Variants in ZNF606 observed in about 807,000 individuals in gnomAD.
ZNF606 encodes the protein zinc finger protein 328.
A neutral mutation model predicts 74.9 loss-of-function variants in ZNF606; 37 were observed. The ratio of observed to expected loss-of-function variants is 0.49; its 90% CI spans 0.38 to 0.65. The LOEUF (loss-of-function observed/expected upper bound fraction) is 0.65, where lower values mean the gene tolerates loss of function less well. Among genes scored for constraint, ZNF606 ranks in the 30% least tolerant of loss-of-function variants. ZNF606 has a pLI of 0.00. For synonymous variants in ZNF606, 328 were observed against 312.4 expected, an observed-to-expected ratio of 1.05 and a Z score of -0.53; for missense variants, 852 against 952.9, an observed-to-expected ratio of 0.89 and a Z score of 1.39.
chr19:57,979,844 G>T lies in ZNF606; in HGVS notation c.836C>A (p.Pro279His). 6.2e-7 allele frequency: 1 copy of T among 1,613,562 alleles called. No individual in the cohort carries two copies. Residue 279 changes from proline to histidine, a missense_variant, in exon 7 of 7, where the codon CCT (proline) becomes CAT (histidine). By Grantham distance (77) the Pro-to-His change is moderately conservative. Around this residue, in one of 3 missense-constraint regions of ZNF606, gnomAD observed 545 missense variants for 542.5 expected, o/e 1.00. Coordinates refer to ENST00000551380, the MANE Select transcript of ZNF606 (RefSeq NM_001348022.3). Reference protein sequence around the residue: ...TVYQSIQPIYPARIQTGDNLF... With the variant: ...TVYQSIQPIYHARIQTGDNLF... ...ATTATCTCCAGTTTGTATTCTTGCA[G>T]GGTAAATAGGTTGAATGGACTGATA...
Position 57,979,503 on chromosome 19 carries a change from T to C in ZNF606, c.1177A>G (p.Thr393Ala). Residue 393 changes from threonine (T) to alanine (A), a missense_variant, in exon 7 of 7, where the codon ACT becomes GCT. By Grantham distance (58) the Thr-to-Ala change is moderately conservative (BLOSUM62 0). Coordinates refer to ENST00000551380, the MANE Select transcript of ZNF606 (RefSeq NM_001348022.3). ...YDSFLTQHTS[T>A]YTAEKPYDYN... ...TCATAGGGTTTCTCTGCAGTGTAAG[T>C]GCTTGTATGTTGAGTAAGGAAAGAG... The C allele has an allele frequency of 1.9e-6, 3 of 1,614,016 alleles. No homozygotes were observed. The highest frequency in any genetic ancestry group is 4.5e-5 in the East Asian group (2 of 44,876).
intron 6 of ZNF606, among the ~76,000 whole-genome samples, chr19:57,980,836 A>G (rs1163889599): frequency 1.4e-4 from 3 of 21,894 alleles, no homozygotes; most frequent in African/African-American, 3.9e-4. Flanking sequence ...CACCGTCTCA[A>G]AAAAAAAAAA....
At chr19:57,980,938 C>A (rs1200210455) in intron 6 of ZNF606, among the ~76,000 whole-genome samples, 1 of 151,896 alleles carries the variant, frequency 6.6e-6, no homozygotes, top group African/African-American at 2.4e-5. Flanking sequence ...CCTTAGCCAA[C>A]TCCTAGGAAT....
intron 4 of ZNF606, among the ~76,000 whole-genome samples, chr19:57,996,549 C>T (rs2073344416): frequency 6.6e-6 from 1 of 152,148 alleles, no homozygotes; most frequent in Admixed American, 6.6e-5. Flanking sequence ...TAAACACCTT[C>T]AGCCTAGAAT....
chr19:57,978,766 G>A lies in ZNF606; in HGVS notation c.1914C>T (p.His638=). 6.2e-7 allele frequency: 1 copy of A among 1,614,162 alleles called. No individual in the cohort carries two copies. Among genetic ancestry groups the A allele is most frequent in the Non-Finnish European group, 8.5e-7 (1 of 1,180,038 alleles). The change falls in exon 7 of 7, where the codon CAC becomes CAT. Residue 638 remains histidine (H), a synonymous_variant. Coordinates refer to ENST00000551380, the MANE Select transcript of ZNF606 (RefSeq NM_001348022.3). This position sits in a 1 kb window ranked among gnomAD's most constrained non-coding sequence, Gnocchi z 4.4. ...TATGAGTCCTTTGATGTCTAACAAGGTGAGCCATCTGGCTACAGGATTTTC... is the reference window on the plus strand; with the variant it reads ...TATGAGTCCTTTGATGTCTAACAAGATGAGCCATCTGGCTACAGGATTTTC... ...KCGKSCSQMA[H]LVRHQRTHTG... is the part of the protein sequence containing the mutation.
Position 58,002,694 on chromosome 19 carries a change from C to G in ZNF606, c.-350G>C. 2.2e-6 allele frequency: 1 copy of G among 454,322 alleles called. No individual in the cohort carries two copies. Among genetic ancestry groups the G allele is most frequent in the Non-Finnish European group, 4.4e-6 (1 of 226,078 alleles). The allele number at this position is 454,322 out of a possible 1,614,324, so 28.1% of individuals were successfully genotyped here. A position where few individuals can be genotyped will look rare whatever the true frequency, so the allele number is the denominator to read the frequency against. On this transcript the variant is annotated 5_prime_UTR_variant, in exon 1 of 7. Transcript: ENST00000551380. ...GCGGAAAGGGCAGGCGCAGGACCCA[C>G]CCTGACGCCGCCTCTCCCAGCCGGC...
intron 4 of ZNF606, among the ~76,000 whole-genome samples, chr19:57,994,217 G>A (rs2073302496): frequency 6.6e-6 from 1 of 151,908 alleles, no homozygotes; most frequent in African/African-American, 2.4e-5. Flanking sequence ...AGTTCAGGAG[G>A]CCCTAGAGAG....
intron 4 of ZNF606, among the ~76,000 whole-genome samples, chr19:57,997,222 G>A (rs956377913): frequency 6.6e-6 from 1 of 152,156 alleles, no homozygotes; most frequent in Non-Finnish European, 1.5e-5. Flanking sequence ...GAATGCTTCC[G>A]TATTTGGAAA....
At chr19:57,996,745 C>A (rs555741693) in intron 4 of ZNF606, among the ~76,000 whole-genome samples, 5 of 152,136 alleles carry the variant, frequency 3.3e-5, no homozygotes, top group Non-Finnish European at 5.9e-5. Flanking sequence ...CAGGGAGGAG[C>A]AAACCCTTCT....
In ZNF606 at chr19:57,977,548, A is replaced by C. The variant is rs2073008894; in HGVS notation, c.*753T>G. ...ATACTGATGCAGTGTCCATAATTAT[A>C]ATTTATAGTGATTGCCTAAAACAAA... is the stretch of plus-strand genomic sequence containing the variant. On this transcript the variant is annotated 3_prime_UTR_variant, in exon 7 of 7. Coordinates refer to ENST00000551380, the MANE Select transcript of ZNF606 (RefSeq NM_001348022.3). 1 of 152,092 alleles carries C rather than the reference A, an allele frequency of 6.6e-6. No individual in the cohort carries two copies. Among genetic ancestry groups the C allele is most frequent in the Non-Finnish European group, 1.5e-5 (1 of 68,014 alleles). 9.4% of individuals were successfully genotyped at this position (152,092 alleles called of 1,614,324 possible).
Position 58,002,611 on chromosome 19 carries a change from G to A in ZNF606, c.-267C>T, listed in dbSNP as rs1171922557. ...GAAAACGAAGAACGCCCGGAGGCGG[G>A]AGGCCGGAGGCAGGCTGCTGGCTGG... On this transcript the variant is annotated 5_prime_UTR_variant, in exon 1 of 7. Coordinates refer to ENST00000551380, the MANE Select transcript of ZNF606 (RefSeq NM_001348022.3). 9.0e-6 allele frequency: 4 copies of A among 442,220 alleles called. No homozygotes were observed. In the East Asian group the frequency reaches 2.8e-4, roughly 31 times the overall value. The allele number at this position is 442,220 out of a possible 1,614,324, so 27.4% of individuals were successfully genotyped here.
intron 4 of ZNF606, among the ~76,000 whole-genome samples, chr19:57,991,608 C>T (rs1245279845): frequency 1.3e-5 from 2 of 151,934 alleles, no homozygotes; most frequent in East Asian, 1.9e-4. Flanking sequence ...GATGAAAACC[C>T]GTCTCTACTA....
chr19:57,979,149 G>A lies in ZNF606; in HGVS notation c.1531C>T (p.Pro511Ser). The change falls in exon 7 of 7, where the codon CCT (proline) becomes TCT (serine). Residue 511 changes from proline (P) to serine (S), a missense_variant. Physicochemically the swap from Pro to Ser is moderately conservative, Grantham distance 74. Transcript: ENST00000551380. ...GHQRTHTGEK[P>S]FECTECGKSF... is the part of the protein sequence containing the mutation. The stretch of plus-strand genomic sequence containing the variant: ...TTCCCACATTCAGTACATTCAAAAG[G>A]TTTCTCTCCTGTATGAGTCCTCTGA... 1 of 1,614,022 alleles carries A rather than the reference G, an allele frequency of 6.2e-7. No individual in the cohort carries two copies. The highest frequency in any genetic ancestry group is 8.5e-7 in the Non-Finnish European group (1 of 1,180,026).
upstream of ZNF606, chr19:58,003,199 A>G (rs913300497): frequency 2.2e-5 from 10 of 456,228 alleles, no homozygotes; most frequent in East Asian, 7.0e-5. Flanking sequence ...GACTGCTGTT[A>G]TTCTCTTTAA....
chr19:57,988,100 G>T, intron 6 of ZNF606, 107 bp downstream of exon 6: 1 of 799,088 alleles, frequency 1.3e-6, no homozygotes, highest in Non-Finnish European at 1.9e-6. Flanking sequence ...TCCTTAGAGG[G>T]AATTCTAAAT....
In ZNF606 at chr19:57,978,947, C is replaced by A; in HGVS notation, c.1733G>T (p.Ser578Ile). The A allele has an allele frequency of 6.2e-7, 1 of 1,614,188 alleles. No individual in the cohort carries two copies. Among genetic ancestry groups the A allele is most frequent in the Non-Finnish European group, 8.5e-7 (1 of 1,180,034 alleles). Residue 578 changes from serine to isoleucine, a missense_variant, in exon 7 of 7, where the codon AGC becomes ATC. Coordinates refer to ENST00000551380, the MANE Select transcript of ZNF606 (RefSeq NM_001348022.3). The surrounding 1 kb of genome is among the most constrained non-coding windows in gnomAD (Gnocchi z 4.4). ...ATGGGCAATAAGATGGGAGCTCCAG[C>A]TGAAGGATTTTCCACATTCAGTACA... ...YKCTECGKSF[S>I]WSSHLIAHQR...
chr19:57,986,157 C>A (rs1387489352), intron 6 of ZNF606, among the ~76,000 whole-genome samples: 9 of 151,944 alleles, frequency 5.9e-5, no homozygotes. Context: ...TCCAGATAAA[C>A]AAAACGCCAC....
At chr19:58,002,970 G>A, upstream of ZNF606, 1 of 455,910 alleles carries the variant, frequency 2.2e-6, no homozygotes, top group Non-Finnish European at 4.4e-6. Flanking sequence ...CGTCGAAGCC[G>A]GCGGCAGGAT....
intron 4 of ZNF606, chr19:57,999,606 T>C (rs1196613875): frequency 8.4e-6 from 5 of 592,844 alleles, no homozygotes; most frequent in Non-Finnish European, 1.5e-5. Flanking sequence ...AGCTCAGTAC[T>C]GTGGACAGAC....
Sources: gnomAD v4.1 joint callset for allele counts (sites outside exome capture counted in the v4.1 genomes callset) on GRCh38, gnomAD v4.1.1 for gene constraint, gnomAD v4.1.1 regional missense constraint, Gnocchi (gnomAD v3.1) non-coding constraint, MANE v1.5 for transcripts, NCBI Gene and HGNC (gene_info 2026-07-23, HGNC 2026-07-21) for gene names.